The following KIF1B variants were observed in gnomAD, a reference collection of about 807,000 sequenced individuals.
The protein encoded by KIF1B is kinesin family member 1B, also known as kinesin-like protein KIF1B.
A neutral mutation model predicts 241.9 loss-of-function variants in KIF1B; 76 were observed. The observed-to-expected ratio is 0.31, with a 90% confidence interval of 0.26 to 0.38. The LOEUF is 0.38. Ranked by LOEUF, KIF1B falls within the 10% of genes least tolerant of loss-of-function variation. KIF1B has a pLI of 1.00. For missense variants in KIF1B, 1,622 were observed against 2,271.4 expected (o/e 0.71, Z 5.81); for synonymous variants, 750 against 796.7 (o/e 0.94, Z 0.99).
chr1:10,255,566 G>A (rs1299470034), intron 2 of KIF1B, among the ~76,000 whole-genome samples: 1 of 152,102 alleles, frequency 6.6e-6, no homozygotes, highest in Non-Finnish European at 1.5e-5. Context: ...CTCCAGCTTG[G>A]GGAATAGAGC....
At chr1:10,316,677 T>C (rs942903127) in intron 22 of KIF1B, among the ~76,000 whole-genome samples, 3 of 151,418 alleles carry the variant, frequency 2.0e-5, no homozygotes, top group East Asian at 3.9e-4. Context: ...ATTTTTGTAT[T>C]CTTTTGTAGA....
chr1:10,292,304 C>G (rs1650038601), intron 17 of KIF1B, 182 bp downstream of exon 17: 7 of 599,156 alleles, frequency 1.2e-5, no homozygotes, highest in South Asian at 1.2e-4. Flanking sequence ...CAGCCTATTT[C>G]TAAAATGCCT....
intron 2 of KIF1B, among the ~76,000 whole-genome samples, chr1:10,251,192 G>A (rs1016044925): frequency 6.6e-6 from 1 of 151,886 alleles, no homozygotes; most frequent in Non-Finnish European, 1.5e-5. Context: ...AATAAAAGCA[G>A]CTTGGTTTTG....
chr1:10,254,127 T>G (rs1647621067), intron 2 of KIF1B, among the ~76,000 whole-genome samples: 1 of 152,202 alleles, frequency 6.6e-6, no homozygotes, highest in South Asian at 2.1e-4. Flanking sequence ...TATGAGGAGC[T>G]AAAGCTTTGT....
chr1:10,290,706 C>T (rs915286998), intron 15 of KIF1B, among the ~76,000 whole-genome samples: 1 of 151,380 alleles, frequency 6.6e-6, no homozygotes, highest in Non-Finnish European at 1.5e-5. Context: ...CCCGTCTCTA[C>T]TAAAAATACA....
At chr1:10,267,314 C>G in intron 5 of KIF1B, 66 bp from the exon 6 acceptor site, 1 of 1,439,990 alleles carries the variant, frequency 6.9e-7, no homozygotes. Context: ...AGGCGTGAGC[C>G]ACCGCGCCCG....
rs555049067 is a variant in KIF1B, at chr1:10,314,173, C to T, written c.2116-5870C>T. Among the ~76,000 whole-genome samples, 29 of 151,524 alleles carry T rather than the reference C, an allele frequency of 1.9e-4. 5 individuals carry two copies. Among genetic ancestry groups the T allele is most frequent in the African/African-American group, 6.8e-4 (28 of 40,878 alleles). The stretch of plus-strand genomic sequence containing the variant: ...CTGGGATTGCAGGCATGAGCCACCG[C>T]GTCCAGCCAAAATATATTATTTTTT... On this transcript the variant is annotated intron_variant, in intron 22 of 48. Transcript: ENST00000676179.
At chr1:10,249,549 A>C (rs1217783747) in intron 2 of KIF1B, among the ~76,000 whole-genome samples, 2 of 152,218 alleles carry the variant, frequency 1.3e-5, no homozygotes. Context: ...GGGGAGCATC[A>C]GAGATTTGTT....
In KIF1B at chr1:10,284,664, G is replaced by A. The variant is rs1304334939; in HGVS notation, c.1434+2131G>A. On this transcript the variant is annotated intron_variant, in intron 15 of 48. Transcript: ENST00000676179. Reference sequence around the variant, plus strand: ...TGCGCCATTGCATTCCAGTCTGGGCGGCAGAGTGAGACTCTGTCTCAAAAA... The same window carrying A: ...TGCGCCATTGCATTCCAGTCTGGGCAGCAGAGTGAGACTCTGTCTCAAAAA... Among the ~76,000 whole-genome samples, 4 of 151,908 alleles carry A rather than the reference G, an allele frequency of 2.6e-5. No individual in the cohort carries two copies. The South Asian group carries it at 6.3e-4, about 24-fold the overall frequency.
At chr1:10,280,041 G>A (rs1411337439) in intron 14 of KIF1B, among the ~76,000 whole-genome samples, 4 of 151,888 alleles carry the variant, frequency 2.6e-5, no homozygotes. Flanking sequence ...AATAACTTAG[G>A]TGTCTAAAAT....
rs371033478 is a variant in KIF1B, at chr1:10,375,383, T to TTTG, written c.5408+28_5408+30dup. 5.1e-5 allele frequency: 81 copies of TTTG among 1,596,884 alleles called. No homozygotes were observed. Among genetic ancestry groups the TTTG allele is most frequent in the Middle Eastern group, 1.9e-4 (1 of 5,304 alleles). On this transcript the variant is annotated intron_variant, in intron 48 of 48. Transcript: ENST00000676179. Reference sequence around the variant, plus strand: ...TAGCTGGCACAATACGGTAAGAAGTTTTGTTGTTGTTGTTGTTGTTTTTGA... The same window carrying TTTG: ...TAGCTGGCACAATACGGTAAGAAGTTTTGTTGTTGTTGTTGTTGTTGTTTTTGA...
rs560107426 is a variant in KIF1B at position 10,289,158 on chromosome 1, CCT to C, written c.1435-1923_1435-1922del. On this transcript the variant is annotated intron_variant, in intron 15 of 48. Transcript: ENST00000676179. ...ACCTGTTTTGGCATGTGCTCGTCCC[CCT>C]TTTTTGTACTCCTTTTCCTTCCATT... Among the ~76,000 whole-genome samples, 17 of 152,274 alleles carry C rather than the reference CCT, an allele frequency of 1.1e-4. No homozygotes were observed. The East Asian group carries it at 3.3e-3, about 29-fold the overall frequency.
intron 17 of KIF1B, among the ~76,000 whole-genome samples, chr1:10,293,841 C>T (rs1406968154): frequency 6.6e-6 from 1 of 152,190 alleles, no homozygotes; most frequent in Non-Finnish European, 1.5e-5. Flanking sequence ...TTTTACCCAT[C>T]TTGCTTTAGC....
rs1017933287 is a variant in KIF1B at position 10,363,149 on chromosome 1, G to T, written c.4305-134G>T. ...CTTAGGTTCAAAATAAGAAAAGAGC[G>T]GTGACAAATAAGAAATGCCTGGAAT... On this transcript the variant is annotated intron_variant, in intron 40 of 48. Coordinates refer to ENST00000676179, the MANE Select transcript of KIF1B (RefSeq NM_001365951.3). 9.0e-6 allele frequency: 6 copies of T among 665,514 alleles called. No individual in the cohort carries two copies. The South Asian group carries it at 1.1e-4, about 12-fold the overall frequency. 41.2% of individuals were successfully genotyped at this position (665,514 alleles called of 1,614,324 possible).
At chr1:10,257,633 A>C (rs1484457744) in intron 3 of KIF1B, among the ~76,000 whole-genome samples, 1 of 151,518 alleles carries the variant, frequency 6.6e-6, no homozygotes, top group Non-Finnish European at 1.5e-5. Flanking sequence ...TTACTTCTGC[A>C]TCATTCATCT....
At chr1:10,322,918 T>A (rs969366438) in intron 24 of KIF1B, among the ~76,000 whole-genome samples, 1 of 152,230 alleles carries the variant, frequency 6.6e-6, no homozygotes, top group Non-Finnish European at 1.5e-5. Flanking sequence ...TAAACACTTT[T>A]ATAAAACCAT....
intron 1 of KIF1B, chr1:10,227,857 C>G (rs1203886253): frequency 1.3e-5 from 2 of 154,398 alleles, no homozygotes; most frequent in African/African-American, 4.8e-5. Flanking sequence ...TCTTTCATTT[C>G]TTCTGCATTT....
At chr1:10,304,774 ATTG>A in intron 22 of KIF1B, 1 of 1,534,738 alleles carries the variant, frequency 6.5e-7, no homozygotes, top group Non-Finnish European at 8.8e-7. Flanking sequence ...CTGGTTTTAT[ATTG>A]TTAAGACAAA....
intron 44 of KIF1B, among the ~76,000 whole-genome samples, chr1:10,369,160 C>T (rs12042926): frequency 1.3e-5 from 2 of 152,306 alleles, no homozygotes; most frequent in East Asian, 3.9e-4. Flanking sequence ...AAACTTTCTA[C>T]CTACACCTCT....
Sources: gnomAD v4.1 joint callset for allele counts (sites outside exome capture counted in the v4.1 genomes callset) on GRCh38, gnomAD v4.1.1 for gene constraint, MANE v1.5 for transcripts, NCBI Gene and HGNC (gene_info 2026-07-23, HGNC 2026-07-21) for gene names.